The following SUGCT variants were observed in gnomAD, a reference collection of about 807,000 sequenced individuals.
The protein encoded by SUGCT is succinyl-CoA:glutarate CoA-transferase.
In SUGCT, 41 loss-of-function variants were observed where a neutral mutation model predicts 55.0. The observed-to-expected ratio is 0.74, with a 90% CI of 0.58 to 0.97. The LOEUF (loss-of-function observed/expected upper bound fraction) is 0.97. Ranked by LOEUF, SUGCT falls within the 50% of genes least tolerant of loss-of-function variation. SUGCT has a pLI of 0.00. For synonymous variants in SUGCT, 187 were observed against 200.4 expected, an observed-to-expected ratio of 0.93 and a Z score of 0.56; for missense variants, 568 against 547.8, an observed-to-expected ratio of 1.04 and a Z score of -0.37.
At chr7:40,163,772 T>C (rs553552690) in intron 1 of SUGCT, among the ~76,000 whole-genome samples, 191 of 152,198 alleles carry the variant, frequency 1.3e-3, no homozygotes, top group African/African-American at 4.5e-3. Context: ...AAATGAGTGA[T>C]TTCAATTTTG....
At chr7:40,203,524 C>T (rs1298607734) in intron 6 of SUGCT, among the ~76,000 whole-genome samples, 1 of 152,058 alleles carries the variant, frequency 6.6e-6, no homozygotes, top group Non-Finnish European at 1.5e-5. Flanking sequence ...CCTGTAATCC[C>T]AGCACTTTGG....
intron 12 of SUGCT, among the ~76,000 whole-genome samples, chr7:40,639,318 A>G (rs1274379311): frequency 6.6e-6 from 1 of 152,184 alleles, no homozygotes; most frequent in Non-Finnish European, 1.5e-5. Context: ...CTAATTAAAT[A>G]TTGGCAAAAG....
At chr7:40,481,206 C>T (rs776279018) in intron 11 of SUGCT, among the ~76,000 whole-genome samples, 1 of 151,932 alleles carries the variant, frequency 6.6e-6, no homozygotes, top group Admixed American at 6.6e-5. Context: ...GGCATGGTGG[C>T]GTGCACCTGT....
chr7:40,825,091 G>A (rs1563029081), intron 13 of SUGCT, among the ~76,000 whole-genome samples: 1 of 152,156 alleles, frequency 6.6e-6, no homozygotes, highest in Non-Finnish European at 1.5e-5. Context: ...GAAGAGAGAT[G>A]TTAAAGGTTG....
the SUGCT span, among the ~76,000 whole-genome samples, chr7:40,920,575 A>G: frequency 3.3e-5 from 5 of 152,298 alleles, no homozygotes; most frequent in East Asian, 9.7e-4. Context: ...AGCCTCAGAC[A>G]TGAATTGGGC....
intron 7 of SUGCT, among the ~76,000 whole-genome samples, chr7:40,269,634 A>T (rs1236418957): frequency 1.3e-5 from 2 of 152,076 alleles, no homozygotes; most frequent in African/African-American, 4.8e-5. Context: ...ACCCATTTTT[A>T]AAAAATGGGA....
intron 12 of SUGCT, among the ~76,000 whole-genome samples, chr7:40,557,025 A>G (rs866625210): frequency 2.0e-5 from 3 of 152,234 alleles, no homozygotes; most frequent in Admixed American, 1.3e-4. Flanking sequence ...AGTGACCTCA[A>G]ATAACCAAAA....
Position 40,859,082 on chromosome 7 carries a change from G to GA in SUGCT, c.1154-1225dup, listed in dbSNP as rs201150719. Among the ~76,000 whole-genome samples the GA allele has an allele frequency of 7.9e-3, 1,192 of 151,300 alleles. 11 individuals carry two copies. The highest frequency in any genetic ancestry group is 0.027 in the African/African-American group (1,126 of 41,320). ...GGCTCCTCAAATCAAGAGAAAGCCA[G>GA]AAAAAAAAATTGAGATAGGAATATC... is the stretch of plus-strand genomic sequence containing the variant. On this transcript the variant is annotated intron_variant, in intron 13 of 13. Transcript: ENST00000335693.
intron 13 of SUGCT, among the ~76,000 whole-genome samples, chr7:40,767,357 T>C (rs189866573): frequency 6.6e-6 from 1 of 152,332 alleles, no homozygotes; most frequent in East Asian, 1.9e-4. Context: ...GAAAACTATA[T>C]GGTATTCCTA....
intron 9 of SUGCT, among the ~76,000 whole-genome samples, chr7:40,341,461 T>C (rs994813158): frequency 6.6e-6 from 1 of 152,206 alleles, no homozygotes; most frequent in African/African-American, 2.4e-5. Flanking sequence ...GAGGGAGATG[T>C]GTAAACAGTG....
At chr7:40,664,116 G>C (rs1312439304) in intron 12 of SUGCT, among the ~76,000 whole-genome samples, 1 of 152,152 alleles carries the variant, frequency 6.6e-6, no homozygotes, top group Non-Finnish European at 1.5e-5. Flanking sequence ...AGAAGGAACC[G>C]ATCCTGCCAA....
At chr7:40,939,161 G>T in the SUGCT span, among the ~76,000 whole-genome samples, 1 of 152,164 alleles carries the variant, frequency 6.6e-6, no homozygotes, top group Non-Finnish European at 1.5e-5. Flanking sequence ...AAGGAAAGGA[G>T]GAGCAAGTCC....
the SUGCT span, among the ~76,000 whole-genome samples, chr7:41,036,657 A>G: frequency 3.9e-5 from 6 of 152,190 alleles, no homozygotes; most frequent in Non-Finnish European, 8.8e-5. Flanking sequence ...TTTATTGGCA[A>G]AAACAGCAGT....
chr7:40,588,227 C>A (rs192300182), intron 12 of SUGCT, among the ~76,000 whole-genome samples: 1 of 150,438 alleles, frequency 6.6e-6, no homozygotes, highest in South Asian at 2.1e-4. Context: ...TAAGAAAATT[C>A]TCTTTTTTTT....
chr7:40,860,053 C>T lies in SUGCT; in HGVS notation c.1154-263C>T, dbSNP rs73689875. On this transcript the variant is annotated intron_variant, in intron 13 of 13. Transcript: ENST00000335693. ...GGGAACACCAGCTTCCAAATAGGCC[C>T]GGCACAAATTAGCTTCATCCATGCA... is the stretch of plus-strand genomic sequence containing the variant. 0.13 allele frequency among the ~76,000 whole-genome samples: 19,546 copies of T among 152,156 alleles called. 1,338 individuals carry two copies. Among genetic ancestry groups the T allele is most frequent in the Middle Eastern group, 0.24 (72 of 294 alleles).
rs897027374 is a variant in SUGCT, at chr7:40,687,496, CT to C, written c.1090-61933del. 3.3e-5 allele frequency among the ~76,000 whole-genome samples: 5 copies of C among 152,250 alleles called. No individual in the cohort carries two copies. The East Asian group carries it at 7.7e-4, about 23-fold the overall frequency. ...TAGTTGATGGTCTAGTCCCTTCTAC[CT>C]TTTTCTAATGGCCATTTGGTGGCCC... On this transcript the variant is annotated intron_variant, in intron 12 of 13. Transcript: ENST00000335693.
chr7:40,591,883 A>G (rs980550426), intron 12 of SUGCT, among the ~76,000 whole-genome samples: 1 of 152,240 alleles, frequency 6.6e-6, no homozygotes, highest in African/African-American at 2.4e-5. Flanking sequence ...TAGTGTAAAC[A>G]TAACTATTAT....
rs192261515 is a variant in SUGCT, at chr7:40,272,437, A to G, written c.577-2076A>G. ...AAGTGATCCTCCTGCTTGGCCTCCA[A>G]AGTGTTGGGATTTATAGGCATGAGC... is the stretch of plus-strand genomic sequence containing the variant. On this transcript the variant is annotated intron_variant, in intron 7 of 13. Transcript: ENST00000335693. Among the ~76,000 whole-genome samples the G allele has an allele frequency of 1.4e-3, 211 of 149,228 alleles. 3 individuals carry two copies. The highest frequency in any genetic ancestry group is 4.9e-3 in the African/African-American group (198 of 40,796).
intron 12 of SUGCT, among the ~76,000 whole-genome samples, chr7:40,605,178 G>A (rs1231947898): frequency 1.3e-5 from 2 of 152,206 alleles, no homozygotes; most frequent in East Asian, 1.9e-4. Context: ...GTTATTTGGG[G>A]AAATTTTATG....
Sources: allele counts gnomAD v4.1 joint callset (sites outside exome capture counted in the v4.1 genomes callset), GRCh38; gene constraint gnomAD v4.1.1; transcripts MANE v1.5; gene names NCBI Gene and HGNC (gene_info 2026-07-23, HGNC 2026-07-21).